Variants in RGS7 observed in about 807,000 individuals in gnomAD.
RGS7 encodes the protein regulator of G protein signaling 7, also known as regulator of G-protein signaling 7.
RGS7 carries 27 observed loss-of-function variants against 81.1 expected under a neutral mutation model. The ratio of observed to expected loss-of-function variants is 0.33; its 90% CI spans 0.25 to 0.46. The LOEUF is 0.46. Ranked by LOEUF, RGS7 falls within the 20% of genes least tolerant of loss-of-function variation. The probability of loss-of-function intolerance (pLI) is 1.00; values close to 1 mark genes in which losing one functional copy is unlikely to be tolerated. For synonymous variants in RGS7, 208 were observed against 207.7 expected (o/e 1.00, Z -0.01); for missense variants, 396 against 607.4 (o/e 0.65, Z 3.66).
intron 2 of RGS7, among the ~76,000 whole-genome samples, chr1:241,305,339 G>A (rs1475021143): frequency 1.3e-5 from 2 of 152,066 alleles, no homozygotes; most frequent in African/African-American, 4.8e-5. Flanking sequence ...GTTTAATGTC[G>A]TCGGTCACCC....
At chr1:240,786,340 G>A (rs1163565699) in intron 18 of RGS7, among the ~76,000 whole-genome samples, 1 of 151,966 alleles carries the variant, frequency 6.6e-6, no homozygotes, top group African/African-American at 2.4e-5. Context: ...TCTGAATAAC[G>A]TGTGTATTAA....
At chr1:241,143,263 G>C (rs939794614) in intron 2 of RGS7, among the ~76,000 whole-genome samples, 1 of 152,132 alleles carries the variant, frequency 6.6e-6, no homozygotes, top group Admixed American at 6.6e-5. Flanking sequence ...ATTTCCACAT[G>C]TTTGGGTATC....
At chr1:241,019,261 A>T (rs2059422663) in intron 3 of RGS7, among the ~76,000 whole-genome samples, 1 of 152,168 alleles carries the variant, frequency 6.6e-6, no homozygotes, top group Non-Finnish European at 1.5e-5. Context: ...CTTCTGCTCC[A>T]AGTAAACAAT....
chr1:241,022,016 CGG>C (rs1008397400), intron 3 of RGS7, among the ~76,000 whole-genome samples: 46 of 152,180 alleles, frequency 3.0e-4, no homozygotes, highest in African/African-American at 9.6e-4. Flanking sequence ...TTTAGCTGTG[CGG>C]TTAAGACAGC....
At chr1:241,232,744 G>A (rs909117734) in intron 2 of RGS7, among the ~76,000 whole-genome samples, 8 of 151,148 alleles carry the variant, frequency 5.3e-5, no homozygotes, top group East Asian at 1.9e-4. Flanking sequence ...ACTGCAGAAC[G>A]ACAGTCTTAA....
At chr1:240,971,636 T>C (rs3893178) in intron 4 of RGS7, among the ~76,000 whole-genome samples, 61,950 of 151,668 alleles carry the variant, frequency 0.41, 13,115 homozygotes, top group East Asian at 0.67. Flanking sequence ...AAGATGAATG[T>C]TTGGGTAATA....
At chr1:241,215,640 T>G (rs529344679) in intron 2 of RGS7, among the ~76,000 whole-genome samples, 1 of 152,256 alleles carries the variant, frequency 6.6e-6, no homozygotes, top group South Asian at 2.1e-4. Context: ...CTTCAAAAAT[T>G]TTTTTTGGCC....
At chr1:241,014,887 C>T (rs1002878817) in intron 3 of RGS7, among the ~76,000 whole-genome samples, 26 of 152,152 alleles carry the variant, frequency 1.7e-4, no homozygotes, top group Admixed American at 1.5e-3. Flanking sequence ...AGAGACGAGA[C>T]TCTTACATAG....
chr1:241,121,269 G>C (rs1336433500), intron 2 of RGS7, among the ~76,000 whole-genome samples: 1 of 152,184 alleles, frequency 6.6e-6, no homozygotes, highest in Non-Finnish European at 1.5e-5. Context: ...TCTCTAAAAA[G>C]GAATTATGGT....
intron 2 of RGS7, among the ~76,000 whole-genome samples, chr1:241,204,707 A>C (rs972614129): frequency 6.6e-6 from 1 of 151,696 alleles, no homozygotes; most frequent in African/African-American, 2.4e-5. Flanking sequence ...TTTTCTGCAA[A>C]AAAAAAAAAG....
At chr1:241,100,867 C>T (rs778443305) in intron 2 of RGS7, among the ~76,000 whole-genome samples, 4 of 152,174 alleles carry the variant, frequency 2.6e-5, no homozygotes, top group Non-Finnish European at 5.9e-5. Context: ...GTGGAAGGAG[C>T]GCCATTACCC....
At chr1:241,321,132 C>A (rs926444337) in intron 2 of RGS7, among the ~76,000 whole-genome samples, 9 of 152,000 alleles carry the variant, frequency 5.9e-5, no homozygotes, top group Admixed American at 2.0e-4. Context: ...GTATTATTTC[C>A]CAAATTCAGT....
At chr1:241,153,932 A>C (rs1475175166) in intron 2 of RGS7, among the ~76,000 whole-genome samples, 3 of 152,164 alleles carry the variant, frequency 2.0e-5, no homozygotes, top group African/African-American at 7.2e-5. Flanking sequence ...CAAGGACTAA[A>C]TGCTTATCTG....
intron 2 of RGS7, among the ~76,000 whole-genome samples, chr1:241,166,464 G>A (rs1357411180): frequency 6.6e-6 from 1 of 152,224 alleles, no homozygotes; most frequent in Non-Finnish European, 1.5e-5. Context: ...CTGGGGCTGA[G>A]AATGGGGAAA....
intron 3 of RGS7, among the ~76,000 whole-genome samples, chr1:240,990,347 T>A (rs1686277975): frequency 6.6e-6 from 1 of 152,232 alleles, no homozygotes; most frequent in South Asian, 2.1e-4. Flanking sequence ...TGTCAAATTT[T>A]GAATGAAACG....
At chr1:240,887,674 G>A (rs929481307) in intron 6 of RGS7, among the ~76,000 whole-genome samples, 1 of 152,050 alleles carries the variant, frequency 6.6e-6, no homozygotes, top group African/African-American at 2.4e-5. Context: ...ACATGTGTCT[G>A]TTGCATCTTG....
intron 3 of RGS7, among the ~76,000 whole-genome samples, chr1:241,042,170 G>A (rs1235384287): frequency 6.6e-6 from 1 of 152,270 alleles, no homozygotes; most frequent in Non-Finnish European, 1.5e-5. Context: ...TGGGGGCGCT[G>A]TACATATGTA....
chr1:241,287,006 A>G (rs1036920279), intron 2 of RGS7, among the ~76,000 whole-genome samples: 1 of 152,244 alleles, frequency 6.6e-6, no homozygotes, highest in African/African-American at 2.4e-5. Context: ...TCAAAGTACA[A>G]CTAGCTGCAG....
At chr1:240,896,901 T>C (rs1019417674) in intron 6 of RGS7, among the ~76,000 whole-genome samples, 2 of 152,228 alleles carry the variant, frequency 1.3e-5, no homozygotes, top group East Asian at 1.9e-4. Context: ...TGATATTGAT[T>C]CTTCCTATCC....
Sources: allele counts gnomAD v4.1 joint callset (sites outside exome capture counted in the v4.1 genomes callset), GRCh38; gene constraint gnomAD v4.1.1; transcripts MANE v1.5; gene names NCBI Gene and HGNC (gene_info 2026-07-23, HGNC 2026-07-21).